The following TLE1 variants were observed in gnomAD, a reference collection of about 807,000 sequenced individuals.
The protein encoded by TLE1 is TLE family member 1, transcriptional corepressor.
TLE1 carries 21 observed loss-of-function variants against 89.8 expected under a neutral mutation model. The observed-to-expected ratio is 0.23, with a 90% CI of 0.17 to 0.34. The LOEUF is 0.34. TLE1 is among the 10% of genes least tolerant of loss of function. The pLI is 1.00. For synonymous variants in TLE1, 447 were observed against 407.6 expected, an observed-to-expected ratio of 1.10 and a Z score of -1.16; for missense variants, 795 against 1,031.2, an observed-to-expected ratio of 0.77 and a Z score of 3.14.
At chr9:81,585,437 T>C (rs895412713) in intron 18 of TLE1, 68 bp downstream of exon 18, 13 of 1,571,612 alleles carry the variant, frequency 8.3e-6, no homozygotes, top group Non-Finnish European at 1.0e-5. Flanking sequence ...ATCTCTACCA[T>C]ATTTTTTTAA....
At chr9:81,613,327 G>T in intron 12 of TLE1, 50 bp downstream of exon 12, 2 of 1,595,846 alleles carry the variant, frequency 1.3e-6, no homozygotes, top group Non-Finnish European at 1.7e-6. Flanking sequence ...AACAAATCAA[G>T]CTGGGAATGG....
chr9:81,666,809 A>AAATAAATT (rs770061768), intron 4 of TLE1, among the ~76,000 whole-genome samples: 1 of 136,030 alleles, frequency 7.4e-6, no homozygotes, highest in African/African-American at 2.7e-5. Flanking sequence ...ATAAATAAAT[A>AAATAAATT]AAATAAAATA....
At position 81,664,938 on chromosome 9, in the gene TLE1, G is replaced by A. The variant is rs563413525; in HGVS notation, c.235-10902C>T. On this transcript the variant is annotated intron_variant, in intron 4 of 19. Transcript: ENST00000376499. Reference sequence around the variant, plus strand: ...TGGACTGGGGAACATGCTTTGAGAAGCACTGCCATCTATTTCAGCAGCATC... The same window carrying A: ...TGGACTGGGGAACATGCTTTGAGAAACACTGCCATCTATTTCAGCAGCATC... 9.2e-5 allele frequency among the ~76,000 whole-genome samples: 14 copies of A among 152,316 alleles called. No individual in the cohort carries two copies. The South Asian group carries it at 2.9e-3, about 32-fold the overall frequency.
At chr9:81,642,460 G>A (rs1265723331) in intron 6 of TLE1, among the ~76,000 whole-genome samples, 1 of 151,956 alleles carries the variant, frequency 6.6e-6, no homozygotes, top group East Asian at 1.9e-4. Context: ...GGGAGGCCGA[G>A]GAAGGTGGAT....
chr9:81,673,299 C>T (rs1353836470), intron 4 of TLE1, among the ~76,000 whole-genome samples: 1 of 136,126 alleles, frequency 7.3e-6, no homozygotes, highest in Non-Finnish European at 1.6e-5. Context: ...AAAAAACAGA[C>T]TGCCAACAAG....
chr9:81,637,190 T>G (rs982290345), intron 6 of TLE1, among the ~76,000 whole-genome samples: 1 of 151,986 alleles, frequency 6.6e-6, no homozygotes, highest in African/African-American at 2.4e-5. Context: ...AAACCCTGTC[T>G]CTACTAAAAA....
At chr9:81,687,859 G>A (rs1423997555) in intron 1 of TLE1, among the ~76,000 whole-genome samples, 3 of 151,998 alleles carry the variant, frequency 2.0e-5, no homozygotes, top group African/African-American at 7.2e-5. Context: ...AGACGCACCG[G>A]AACCGGGGCC....
rs1183857032 is a variant in TLE1 at position 81,689,470 on chromosome 9, G to A, written c.-1230C>T. 6.6e-6 allele frequency among the ~76,000 whole-genome samples: 1 copy of A among 152,144 alleles called. No homozygotes were observed. The highest frequency in any genetic ancestry group is 6.5e-5 in the Admixed American group (1 of 15,276). On this transcript the variant is annotated 5_prime_UTR_variant, in exon 1 of 20. Transcript: ENST00000376499. ...GGACGCGGGGCACAGAGTACCCGCC[G>A]CTGTTTCTGCTGCTGCTGCTTCTGC... is the stretch of plus-strand genomic sequence containing the variant.
In TLE1 at chr9:81,685,694, G is replaced by A. The variant is rs375571812; in HGVS notation, c.216C>T (p.Asn72=). ...AGCTTACCTGTTTGTGCATTTCAAT[G>A]TTTAATCCATATGACATTTCATAAT... ...VMYYEMSYGL[N]IEMHKQTEIA... is the part of the protein sequence containing the mutation. Residue 72 remains asparagine, a synonymous_variant, in exon 4 of 20, where the codon AAC becomes AAT. Coordinates refer to ENST00000376499, the MANE Select transcript of TLE1 (RefSeq NM_005077.5). The A allele has an allele frequency of 1.2e-6, 2 of 1,613,604 alleles. No homozygotes were observed. Among genetic ancestry groups the A allele is most frequent in the Non-Finnish European group, 1.7e-6 (2 of 1,179,714 alleles).
intron 4 of TLE1, among the ~76,000 whole-genome samples, chr9:81,685,407 A>G (rs1370937963): frequency 6.6e-6 from 1 of 152,234 alleles, no homozygotes; most frequent in Non-Finnish European, 1.5e-5. Context: ...TGAAAAAGTA[A>G]ACTCAAGTCT....
At position 81,584,475 on chromosome 9, in the gene TLE1, C is replaced by A; in HGVS notation, c.2178G>T (p.Arg726=). The change falls in exon 19 of 20, where the codon CGG becomes CGT. Residue 726 remains arginine, a synonymous_variant. Coordinates refer to ENST00000376499, the MANE Select transcript of TLE1 (RefSeq NM_005077.5). ...TGKDNLLNAW[R]TPYGASIFQS... ...GGAATATGCTGGCTCCATAGGGGGT[C>A]CGCCAAGCATTGAGGAGGTTATCTT... The A allele has an allele frequency of 1.9e-6, 3 of 1,614,122 alleles. No homozygotes were observed. Among genetic ancestry groups the A allele is most frequent in the Non-Finnish European group, 2.5e-6 (3 of 1,180,032 alleles).
At chr9:81,595,777 C>G (rs1428239001) in intron 14 of TLE1, among the ~76,000 whole-genome samples, 2 of 149,118 alleles carry the variant, frequency 1.3e-5, no homozygotes, top group Non-Finnish European at 3.0e-5. Flanking sequence ...CGAGATTGTG[C>G]CACTGCACTC....
At chr9:81,667,997 C>CT (rs1157506515) in intron 4 of TLE1, among the ~76,000 whole-genome samples, 1 of 152,006 alleles carries the variant, frequency 6.6e-6, no homozygotes, top group African/African-American at 2.4e-5. Context: ...AACCCTGTCT[C>CT]TATTAAAATT....
At position 81,611,748 on chromosome 9, in the gene TLE1, GCCCA is replaced by G. The variant is rs760495202; in HGVS notation, c.1254+17_1254+20del. ...ATGCAGCGTTCCTACCCCAACCACA[GCCCA>G]CCCGACAGCGGCCTACCATGGGGGA... is the stretch of plus-strand genomic sequence containing the variant. On this transcript the variant is annotated intron_variant, in intron 13 of 19. Transcript: ENST00000376499. The G allele has an allele frequency of 8.0e-6, 12 of 1,491,854 alleles. No individual in the cohort carries two copies. The highest frequency in any genetic ancestry group is 1.1e-5 in the Non-Finnish European group (12 of 1,128,606). 92.4% of individuals were successfully genotyped at this position (1,491,854 alleles called of 1,614,324 possible). A position where few individuals can be genotyped will look rare whatever the true frequency, so the allele number is the denominator to read the frequency against.
chr9:81,629,220 T>C (rs895685986), intron 8 of TLE1, among the ~76,000 whole-genome samples: 1 of 152,160 alleles, frequency 6.6e-6, no homozygotes, highest in Non-Finnish European at 1.5e-5. Context: ...TTTTAAACCA[T>C]ACAACTTTTT....
At chr9:81,650,173 A>G (rs1829367792) in intron 6 of TLE1, among the ~76,000 whole-genome samples, 1 of 152,156 alleles carries the variant, frequency 6.6e-6, no homozygotes, top group Non-Finnish European at 1.5e-5. Flanking sequence ...TTAGAAATTC[A>G]TTTGCCCTTC....
rs551225663 is a variant in TLE1 at position 81,681,320 on chromosome 9, C to CG, written c.234+4355dup. ...ATCCCAGCACTTTGCGAAGCCGAGGCGGGGGGAATCACTTGAGGTCAGGAG... is the reference window on the plus strand; with the variant it reads ...ATCCCAGCACTTTGCGAAGCCGAGGCGGGGGGGAATCACTTGAGGTCAGGAG... On this transcript the variant is annotated intron_variant, in intron 4 of 19. Transcript: ENST00000376499. Among the ~76,000 whole-genome samples, 4 of 152,160 alleles carry CG rather than the reference C, an allele frequency of 2.6e-5. No homozygotes were observed. In the South Asian group the frequency reaches 6.2e-4, roughly 24 times the overall value.
chr9:81,630,500 CCAGT>C (rs1357118008), intron 8 of TLE1, among the ~76,000 whole-genome samples: 1 of 151,648 alleles, frequency 6.6e-6, no homozygotes, highest in Non-Finnish European at 1.5e-5. Context: ...TCTTTCTTAC[CCAGT>C]AAGTATCAAA....
intron 4 of TLE1, among the ~76,000 whole-genome samples, chr9:81,658,855 G>A (rs1192072880): frequency 6.6e-6 from 1 of 151,968 alleles, no homozygotes; most frequent in East Asian, 1.9e-4. Flanking sequence ...TCTTAATTTA[G>A]CACAAATTAA....
Sources: gnomAD v4.1 joint callset for allele counts (sites outside exome capture counted in the v4.1 genomes callset) on GRCh38, gnomAD v4.1.1 for gene constraint, MANE v1.5 for transcripts, NCBI Gene and HGNC (gene_info 2026-07-23, HGNC 2026-07-21) for gene names.